The following FGD3 variants were observed in gnomAD, a reference collection of about 807,000 sequenced individuals.
FGD3 encodes the protein FYVE, RhoGEF and PH domain-containing protein 3.
FGD3 carries 45 observed loss-of-function variants against 71.8 expected under a neutral mutation model. The observed-to-expected ratio is 0.63, with a 90% CI of 0.49 to 0.80. FGD3 has a LOEUF of 0.80. Among genes scored for constraint, FGD3 ranks in the 30% least tolerant of loss-of-function variants. The probability of loss-of-function intolerance (pLI) is 0.00; values close to 1 mark genes in which losing one functional copy is unlikely to be tolerated. For synonymous variants in FGD3, 378 were observed against 392.8 expected, an observed-to-expected ratio of 0.96 and a Z score of 0.44; for missense variants, 844 against 951.5, an observed-to-expected ratio of 0.89 and a Z score of 1.49.
At position 93,035,365 on chromosome 9, in the gene FGD3, C is replaced by T. The variant is rs770962151; in HGVS notation, c.1954C>T (p.Leu652Phe). 1.9e-5 allele frequency: 31 copies of T among 1,610,536 alleles called. No individual in the cohort carries two copies. Among genetic ancestry groups the T allele is most frequent in the Non-Finnish European group, 2.2e-5 (26 of 1,178,938 alleles). ...CGGCCGGCTGCCCCGCACCATCCCT[C>T]TCCCCAGCTGCAAACTGAGTGTGCC... Reference protein sequence around the residue: ...QDGRLPRTIPLPSCKLSVPDP... With the variant: ...QDGRLPRTIPFPSCKLSVPDP... Residue 652 changes from leucine (L) to phenylalanine (F), a missense_variant, in exon 18 of 18, where the codon CTC becomes TTC. Physicochemically the swap from Leu to Phe is conservative, Grantham distance 22. Transcript: ENST00000375482.
Position 92,975,248 on chromosome 9 carries a change from A to C in FGD3, c.-207A>C, listed in dbSNP as rs1859682896. 1 of 152,218 alleles carries C rather than the reference A, an allele frequency of 6.6e-6. No homozygotes were observed. The highest frequency in any genetic ancestry group is 6.5e-5 in the Admixed American group (1 of 15,280). 9.4% of individuals were successfully genotyped at this position (152,218 alleles called of 1,614,324 possible). On this transcript the variant is annotated 5_prime_UTR_variant, in exon 2 of 18. It removes an upstream start codon present in the reference 5' UTR. Transcript: ENST00000375482. ...CTAATGTCTTTTCAGTACCTCCTAA[A>C]TGGCTCTACTTTGAACCTGCTGGGC...
At chr9:93,016,825 T>G (rs931991009) in intron 10 of FGD3, among the ~76,000 whole-genome samples, 3 of 142,842 alleles carry the variant, frequency 2.1e-5, no homozygotes, top group African/African-American at 7.8e-5. Flanking sequence ...GGTTTCACCA[T>G]GTGGTCAGGC....
At chr9:93,020,597 AAATTTAAC>A in intron 13 of FGD3, 173 bp downstream of exon 13, 1 of 602,920 alleles carries the variant, frequency 1.7e-6, no homozygotes, top group Non-Finnish European at 3.0e-6. Context: ...AAGACAAATT[AAATTTAAC>A]AATTTAATTG....
At chr9:93,001,462 G>A (rs556107931) in intron 3 of FGD3, among the ~76,000 whole-genome samples, 1 of 152,268 alleles carries the variant, frequency 6.6e-6, no homozygotes, top group African/African-American at 2.4e-5. Flanking sequence ...CTGTGGTACT[G>A]GAGTGATTAT....
Position 93,029,994 on chromosome 9 carries a change from G to A in FGD3, c.1678G>A (p.Ala560Thr). ...GAGGCATCACTGCAAGCTGTGTGGG[G>A]CGGTGAGTCCCGGGAGAGGGGGACA... ...KRRHHCKLCGAVICGKCSEFK... is the reference protein window; with the variant it reads ...KRRHHCKLCGTVICGKCSEFK... Residue 560 changes from alanine to threonine, a missense_variant and splice_region_variant, in exon 15 of 18, where the codon GCG becomes ACG. Transcript: ENST00000375482. 1 of 1,612,028 alleles carries A rather than the reference G, an allele frequency of 6.2e-7. No homozygotes were observed. The highest frequency in any genetic ancestry group is 8.5e-7 in the Non-Finnish European group (1 of 1,178,996).
intron 5 of FGD3, 79 bp downstream of exon 5, chr9:93,004,216 A>T: frequency 6.4e-7 from 1 of 1,563,120 alleles, no homozygotes. Context: ...GAGCGAGGCA[A>T]GTGCTGGGGG....
intron 3 of FGD3, among the ~76,000 whole-genome samples, chr9:92,981,601 G>A (rs570107961): frequency 6.6e-6 from 1 of 152,126 alleles, no homozygotes; most frequent in African/African-American, 2.4e-5. Context: ...TTGATCTTCT[G>A]TCTGTTTATT....
rs547774514 is a variant in FGD3 at position 93,035,464 on chromosome 9, G to A, written c.2053G>A (p.Ala685Thr). The A allele has an allele frequency of 4.7e-5, 76 of 1,613,474 alleles. No individual in the cohort carries two copies. Among genetic ancestry groups the A allele is most frequent in the South Asian group, 2.9e-4 (26 of 91,026 alleles). The change falls in exon 18 of 18, where the codon GCC becomes ACC. Residue 685 changes from alanine to threonine, a missense_variant. By Grantham distance (58) the Ala-to-Thr change is moderately conservative (BLOSUM62 0). Transcript: ENST00000375482. ...QWAKQSWYLS[A>T]SSAELQQQWL... ...GGCCAAGCAGTCCTGGTACCTGAGC[G>A]CCTCCTCCGCAGAGCTGCAGCAGCA...
At chr9:92,954,239 G>T (rs1214155808) in intron 1 of FGD3, among the ~76,000 whole-genome samples, 1 of 152,134 alleles carries the variant, frequency 6.6e-6, no homozygotes, top group African/African-American at 2.4e-5. Flanking sequence ...TGACAAAGGT[G>T]CACCACCCTT....
At position 92,973,791 on chromosome 9, in the gene FGD3, G is replaced by A. The variant is rs142195894; in HGVS notation, c.-217-1447G>A. Among the ~76,000 whole-genome samples, 16 of 152,236 alleles carry A rather than the reference G, an allele frequency of 1.1e-4. 1 individual carries two copies. In the East Asian group the frequency reaches 2.1e-3, roughly 20 times the overall value. ...TCTCCCCACCGCACACATGCTGAAC[G>A]GTCCTCGAGGAGCCCCTCTGAGATC... is the stretch of plus-strand genomic sequence containing the variant. On this transcript the variant is annotated intron_variant, in intron 1 of 17. Coordinates refer to ENST00000375482, the MANE Select transcript of FGD3 (RefSeq NM_001083536.2).
rs375948790 is a variant in FGD3, at chr9:93,014,698, G to A, written c.1182+700G>A. ...GCTCTGTCACCCAGGCTGGAGTACA[G>A]TGGCTCAATCTCGGCTCACTGTAAC... On this transcript the variant is annotated intron_variant, in intron 9 of 17. Coordinates refer to ENST00000375482, the MANE Select transcript of FGD3 (RefSeq NM_001083536.2). Among the ~76,000 whole-genome samples the A allele has an allele frequency of 1.2e-3, 177 of 152,198 alleles. 1 individual carries two copies. Among genetic ancestry groups the A allele is most frequent in the African/African-American group, 4.1e-3 (169 of 41,536 alleles).
intron 14 of FGD3, among the ~76,000 whole-genome samples, chr9:93,024,794 A>C (rs1261572852): frequency 1.3e-5 from 2 of 152,240 alleles, no homozygotes; most frequent in East Asian, 3.8e-4. Flanking sequence ...TGGGGAGTCT[A>C]ACCCCCGGGT....
chr9:92,964,780 A>G (rs1235204556), intron 1 of FGD3, among the ~76,000 whole-genome samples: 1 of 152,090 alleles, frequency 6.6e-6, no homozygotes, highest in African/African-American at 2.4e-5. Flanking sequence ...CAGCCAGGGC[A>G]TCGAGACCAC....
chr9:93,032,952 C>G, intron 16 of FGD3, 79 bp downstream of exon 16: 1 of 1,318,708 alleles, frequency 7.6e-7, no homozygotes, highest in Non-Finnish European at 1.1e-6. Flanking sequence ...CCCAGCAGCT[C>G]CAGCTGCCTC....
chr9:92,976,171 TG>T, intron 2 of FGD3, 36 bp from the exon 3 acceptor site: 1 of 1,291,880 alleles, frequency 7.7e-7, no homozygotes, highest in South Asian at 1.6e-5. Context: ...GGTCCATGCC[TG>T]GCTAGCACTG....
chr9:93,022,107 C>T (rs919350179), intron 13 of FGD3, among the ~76,000 whole-genome samples: 8 of 152,214 alleles, frequency 5.3e-5, no homozygotes, highest in Non-Finnish European at 1.0e-4. Flanking sequence ...ACCCACCTCA[C>T]TGGGAGATGC....
intron 3 of FGD3, among the ~76,000 whole-genome samples, chr9:92,977,039 A>T (rs528768556): frequency 4.6e-4 from 70 of 152,326 alleles, no homozygotes; most frequent in African/African-American, 1.7e-3. Flanking sequence ...TGCCCTTTGC[A>T]CAGTGCTCAC....
At chr9:93,010,070 G>C (rs1861248029) in intron 6 of FGD3, among the ~76,000 whole-genome samples, 176 bp from the exon 7 acceptor site, 2 of 152,210 alleles carry the variant, frequency 1.3e-5, no homozygotes, top group Admixed American at 6.5e-5. Context: ...CAGTCTCTCT[G>C]AGCCTCAGTT....
At chr9:93,018,972 G>T (rs779325642) in intron 11 of FGD3, among the ~76,000 whole-genome samples, 1 of 151,868 alleles carries the variant, frequency 6.6e-6, no homozygotes, top group Non-Finnish European at 1.5e-5. Context: ...CAGCCTCCTG[G>T]GTAGTTGGGA....
Sources: gnomAD v4.1 joint callset for allele counts (sites outside exome capture counted in the v4.1 genomes callset) on GRCh38, gnomAD v4.1.1 for gene constraint, MANE v1.5 for transcripts, NCBI Gene and HGNC (gene_info 2026-07-23, HGNC 2026-07-21) for gene names.